RGPD1: variants seen among roughly 807,000 people sequenced by gnomAD.
RGPD1 encodes the protein RANBP2 like and GRIP domain containing 1, also known as RANBP2-like and GRIP domain-containing protein 1.
Under a neutral mutation model 40.6 loss-of-function variants are expected in RGPD1, and 7 were observed. The ratio of observed to expected loss-of-function variants is 0.17; its 90% CI spans 0.10 to 0.32. The LOEUF is 0.32. RGPD1 is among the 10% of genes least tolerant of loss of function. The pLI is 1.00. For missense variants in RGPD1, 50 were observed against 472.5 expected, an observed-to-expected ratio of 0.11 and a Z score of 8.29; for synonymous variants, 24 against 167.0, an observed-to-expected ratio of 0.14 and a Z score of 6.60.
At chr2:86,933,136 C>T (rs1171647985) in intron 1 of RGPD1, among the ~76,000 whole-genome samples, 1 of 149,104 alleles carries the variant, frequency 6.7e-6, no homozygotes, top group African/African-American at 2.5e-5. Context: ...TATGTATACA[C>T]ATATATAATA....
At chr2:86,925,059 T>C (rs1358270345) in intron 1 of RGPD1, among the ~76,000 whole-genome samples, 1 of 152,226 alleles carries the variant, frequency 6.6e-6, no homozygotes, top group African/African-American at 2.4e-5. Flanking sequence ...CATGTGCTCA[T>C]TAGCTGCTTA....
upstream of RGPD1, among the ~76,000 whole-genome samples, chr2:86,941,344 A>T (rs1001615899): frequency 1.3e-5 from 2 of 149,694 alleles, no homozygotes; most frequent in Non-Finnish European, 3.0e-5. Context: ...ATGTTCTGTT[A>T]TTCTGCTAGT....
At chr2:86,941,717 CTTTG>C (rs779168470), upstream of RGPD1, among the ~76,000 whole-genome samples, 15,845 of 148,440 alleles carry the variant, frequency 0.11, 2,018 homozygotes, top group African/African-American at 0.32. Flanking sequence ...TGAGAATGCG[CTTTG>C]TTTTTTTTTT....
At chr2:87,010,908 G>A (rs1682194001) in intron 22 of RGPD1, among the ~76,000 whole-genome samples, 1 of 96,538 alleles carries the variant, frequency 1.0e-5, no homozygotes, top group African/African-American at 5.4e-5. Flanking sequence ...TTCTGTCTCA[G>A]AAAAAAAAAA....
At chr2:86,914,110 G>A (rs1257821143) in intron 1 of RGPD1, among the ~76,000 whole-genome samples, 1 of 105,482 alleles carries the variant, frequency 9.5e-6, no homozygotes, top group Admixed American at 8.6e-5. Flanking sequence ...CGGCGGCGGC[G>A]GCCTCGGCCC....
intron 1 of RGPD1, among the ~76,000 whole-genome samples, chr2:86,943,384 C>T (rs1246565926): frequency 6.7e-6 from 1 of 149,266 alleles, no homozygotes; most frequent in African/African-American, 2.5e-5. Flanking sequence ...TAACCTTTTC[C>T]ACAAATGTTT....
intron 1 of RGPD1, among the ~76,000 whole-genome samples, chr2:86,942,854 G>T (rs1679989656): frequency 6.6e-6 from 1 of 152,006 alleles, no homozygotes; most frequent in African/African-American, 2.4e-5. Context: ...GGGGACCGCG[G>T]TGGGCGGGAT....
upstream of RGPD1, among the ~76,000 whole-genome samples, chr2:86,941,336 G>A (rs1453241115): frequency 6.8e-6 from 1 of 147,894 alleles, no homozygotes; most frequent in Non-Finnish European, 1.5e-5. Flanking sequence ...ATTTTGGTAT[G>A]TTCTGTTATT....
At chr2:86,913,716 C>G (rs1412172966), upstream of RGPD1, 1 of 1,344,872 alleles carries the variant, frequency 7.4e-7, no homozygotes, top group Admixed American at 2.3e-5. Context: ...AGTGCTGACG[C>G]AGTACACAAG....
intron 1 of RGPD1, among the ~76,000 whole-genome samples, chr2:86,918,177 C>T (rs1177994967): frequency 2.0e-5 from 3 of 151,098 alleles, no homozygotes; most frequent in Admixed American, 6.6e-5. Flanking sequence ...ACTATACCAT[C>T]TACTCTGTAC....
At chr2:86,939,590 A>AAAAG (rs377673220), upstream of RGPD1, among the ~76,000 whole-genome samples, 3 of 135,726 alleles carry the variant, frequency 2.2e-5, no homozygotes, top group African/African-American at 5.8e-5. Flanking sequence ...AAAAAAAAAA[A>AAAAG]AAAGAAAGAA....
chr2:87,013,436 A>C lies in RGPD1; in HGVS notation c.*889A>C, dbSNP rs546754393. The stretch of plus-strand genomic sequence containing the variant: ...TCTAGTGGAATCAGACAGGGGGGTT[A>C]CAGGAAATATTCAAGTAAACAATAT... On this transcript the variant is annotated 3_prime_UTR_variant, in exon 23 of 23. Coordinates refer to ENST00000641458, the MANE Select transcript of RGPD1 (RefSeq NM_001382344.1). 1 of 152,990 alleles carries C rather than the reference A, an allele frequency of 6.5e-6. No individual in the cohort carries two copies. The allele number at this position is 152,990 out of a possible 1,614,324, so 9.5% of individuals were successfully genotyped here.
upstream of RGPD1, chr2:86,942,101 C>T (rs990380954): frequency 3.8e-5 from 47 of 1,232,198 alleles, no homozygotes; most frequent in Admixed American, 1.7e-4. Context: ...ACAGTGCTGA[C>T]GCAGTACACA....
chr2:86,924,525 A>T (rs1009292040), intron 1 of RGPD1, among the ~76,000 whole-genome samples: 1 of 150,588 alleles, frequency 6.6e-6, no homozygotes, highest in Non-Finnish European at 1.5e-5. Context: ...GACTGCAGTG[A>T]TGCTATCGTA....
chr2:86,924,984 G>C (rs1678370058), intron 1 of RGPD1, among the ~76,000 whole-genome samples: 1 of 151,754 alleles, frequency 6.6e-6, no homozygotes, highest in Admixed American at 6.6e-5. Flanking sequence ...AGCCAGGCAT[G>C]ATGGCGCATA....
chr2:86,943,217 G>T (rs951204030), intron 1 of RGPD1, among the ~76,000 whole-genome samples: 2 of 149,558 alleles, frequency 1.3e-5, no homozygotes, highest in African/African-American at 2.5e-5. Flanking sequence ...TTGAGTATGA[G>T]GTGTTTGTCG....
chr2:86,962,555 A>G (rs1186982077), intron 6 of RGPD1, among the ~76,000 whole-genome samples: 8 of 129,258 alleles, frequency 6.2e-5, no homozygotes, highest in Non-Finnish European at 1.3e-4. Context: ...TAACGCTGTA[A>G]TGATCTATAT....
At chr2:86,914,407 T>G (rs1206942819) in intron 1 of RGPD1, among the ~76,000 whole-genome samples, 1 of 8,354 alleles carries the variant, frequency 1.2e-4, no homozygotes, top group Non-Finnish European at 2.1e-4. Flanking sequence ...GGCGGCGGCC[T>G]CGACCTGGCC....
intron 1 of RGPD1, among the ~76,000 whole-genome samples, chr2:86,931,931 A>G (rs1480029151): frequency 6.7e-6 from 1 of 148,390 alleles, no homozygotes; most frequent in African/African-American, 2.4e-5. Flanking sequence ...TATATTCATT[A>G]TATATATATT....
Sources: gnomAD v4.1 joint callset for allele counts (sites outside exome capture counted in the v4.1 genomes callset) on GRCh38, gnomAD v4.1.1 for gene constraint, MANE v1.5 for transcripts, NCBI Gene and HGNC (gene_info 2026-07-23, HGNC 2026-07-21) for gene names.